The following TUBGCP3 variants were observed in gnomAD, a reference collection of about 807,000 sequenced individuals.
TUBGCP3 encodes gamma-tubulin complex component 3.
A neutral mutation model predicts 123.1 loss-of-function variants in TUBGCP3; 50 were observed. The ratio of observed to expected loss-of-function variants is 0.41; its 90% CI spans 0.32 to 0.51. The LOEUF is 0.51. Among genes scored for constraint, TUBGCP3 ranks in the 20% least tolerant of loss-of-function variants. The pLI, the probability that TUBGCP3 is intolerant of heterozygous loss-of-function variation, is 0.36. For missense variants in TUBGCP3, 882 were observed against 1,127.0 expected (o/e 0.78, Z 3.11); for synonymous variants, 405 against 413.9 (o/e 0.98, Z 0.26).
intron 20 of TUBGCP3, among the ~76,000 whole-genome samples, chr13:112,494,279 G>A (rs1417306182): frequency 1.3e-5 from 2 of 152,180 alleles, no homozygotes; most frequent in African/African-American, 2.4e-5. Context: ...TCCTGAGTTC[G>A]GCACTGGTTC....
In TUBGCP3 at chr13:112,511,207, G is replaced by A. The variant is rs1014610811; in HGVS notation, c.2086+5233C>T. On this transcript the variant is annotated intron_variant, in intron 17 of 21. Coordinates refer to ENST00000261965, the MANE Select transcript of TUBGCP3 (RefSeq NM_006322.6). This position sits in a 1 kb window ranked among gnomAD's most constrained non-coding sequence, Gnocchi z 4.1. ...ACACCCTGACCACAGTCCTGTGCGG[G>A]AAACACCCTCTGAACCCACCGCTCA... 2.0e-5 allele frequency among the ~76,000 whole-genome samples: 3 copies of A among 152,182 alleles called. No homozygotes were observed. The highest frequency in any genetic ancestry group is 4.4e-5 in the Non-Finnish European group (3 of 68,034).
intron 19 of TUBGCP3, among the ~76,000 whole-genome samples, chr13:112,502,595 G>C (rs1341523719): frequency 6.8e-6 from 1 of 146,668 alleles, no homozygotes; most frequent in African/African-American, 2.6e-5. Flanking sequence ...GCCCAGGCTG[G>C]AGTGCAATGG....
the TUBGCP3 span, among the ~76,000 whole-genome samples, chr13:112,602,108 C>T: frequency 1.3e-5 from 2 of 152,112 alleles, no homozygotes; most frequent in Non-Finnish European, 2.9e-5. Flanking sequence ...TCGGGGGAGA[C>T]CAGTGTTTGA....
chr13:112,586,164 G>A (rs568289230), intron 1 of TUBGCP3, among the ~76,000 whole-genome samples: 4 of 151,226 alleles, frequency 2.6e-5, no homozygotes, highest in South Asian at 2.1e-4. Flanking sequence ...GCATGAACCC[G>A]GAAGGTAGAG....
chr13:112,501,525 CA>C (rs1407530282), intron 19 of TUBGCP3, among the ~76,000 whole-genome samples: 2 of 152,178 alleles, frequency 1.3e-5, no homozygotes, highest in Non-Finnish European at 2.9e-5. Flanking sequence ...CAAAAAAACA[CA>C]AAAACATGCA....
chr13:112,547,689 G>A lies in TUBGCP3; in HGVS notation c.1099C>T (p.Leu367Phe). 1 of 1,580,452 alleles carries A rather than the reference G, an allele frequency of 6.3e-7. No homozygotes were observed. The highest frequency in any genetic ancestry group is 8.6e-7 in the Non-Finnish European group (1 of 1,160,984). ...TTGGGATCATAGGTCCAAACCAGGA[G>A]GCGCCGAAGTGTTAAACTACTCTCA... ...GLESSLTLRRLLVWTYDPKIR... is the reference protein window; with the variant it reads ...GLESSLTLRRFLVWTYDPKIR... Residue 367 changes from leucine to phenylalanine, a missense_variant, in exon 10 of 22, where the codon CTC (leucine) becomes TTC (phenylalanine). By Grantham distance (22) the Leu-to-Phe change is conservative (BLOSUM62 0). Transcript: ENST00000261965.
the TUBGCP3 span, among the ~76,000 whole-genome samples, chr13:112,600,660 A>G: frequency 6.6e-6 from 1 of 152,166 alleles, no homozygotes; most frequent in Admixed American, 6.5e-5. Flanking sequence ...ATTAATTTTC[A>G]AAGGTTGACA....
At chr13:112,500,756 C>T (rs1880847831) in intron 19 of TUBGCP3, among the ~76,000 whole-genome samples, 1 of 152,242 alleles carries the variant, frequency 6.6e-6, no homozygotes, top group African/African-American at 2.4e-5. Context: ...TTTAACACAA[C>T]TTTACAGTTA....
In TUBGCP3 at chr13:112,486,433, CTT is replaced by C. The variant is rs558760991; in HGVS notation, c.2566-284_2566-283del. ...AACAACTAACCAACAGGTTTTTTCA[CTT>C]TGTTCTTAAGTTCCACAAGAATAAG... On this transcript the variant is annotated intron_variant, in intron 21 of 21. Transcript: ENST00000261965. 2.6e-3 allele frequency among the ~76,000 whole-genome samples: 390 copies of C among 152,346 alleles called. 1 individual carries two copies. The highest frequency in any genetic ancestry group is 4.4e-3 in the Non-Finnish European group (297 of 68,022).
chr13:112,535,278 G>A (rs773299267), intron 11 of TUBGCP3, among the ~76,000 whole-genome samples: 1 of 152,192 alleles, frequency 6.6e-6, no homozygotes, highest in Non-Finnish European at 1.5e-5. Context: ...AGACGAATGC[G>A]TGTTTTCATT....
At chr13:112,498,850 T>C (rs970582362) in intron 20 of TUBGCP3, 195 bp downstream of exon 20, 13 of 1,601,082 alleles carry the variant, frequency 8.1e-6, no homozygotes, top group Non-Finnish European at 1.1e-5. Context: ...TGAAACAGGA[T>C]GATGATGCCA....
chr13:112,489,571 T>G lies in TUBGCP3; in HGVS notation c.2565+10A>C. 1 of 1,592,884 alleles carries G rather than the reference T, an allele frequency of 6.3e-7. No individual in the cohort carries two copies. The highest frequency in any genetic ancestry group is 8.6e-7 in the Non-Finnish European group (1 of 1,160,588). On this transcript the variant is annotated intron_variant, in intron 21 of 21. Coordinates refer to ENST00000261965, the MANE Select transcript of TUBGCP3 (RefSeq NM_006322.6). Reference sequence around the variant, plus strand: ...TGGTGTGAAGAGCCACTCTGTATCCTCATACACACCTGGTAGAAATGGGTC... The same window carrying G: ...TGGTGTGAAGAGCCACTCTGTATCCGCATACACACCTGGTAGAAATGGGTC...
Position 112,527,144 on chromosome 13 carries a change from T to C in TUBGCP3, c.1447-94A>G, listed in dbSNP as rs1877202655. 20 of 1,128,502 alleles carry C rather than the reference T, an allele frequency of 1.8e-5. No individual in the cohort carries two copies. In the South Asian group the frequency reaches 1.9e-4, roughly 10 times the overall value. 69.9% of individuals were successfully genotyped at this position (1,128,502 alleles called of 1,614,324 possible). On this transcript the variant is annotated intron_variant, in intron 12 of 21. Transcript: ENST00000261965. ...TCGTAAGCTACAAATTGGCTATTGA[T>C]TGAAAACTAACAAGAGCATCTGCTA... is the stretch of plus-strand genomic sequence containing the variant.
intron 17 of TUBGCP3, 121 bp from the exon 18 acceptor site, chr13:112,504,835 C>A (rs924010208): frequency 5.0e-6 from 4 of 795,832 alleles, no homozygotes; most frequent in Non-Finnish European, 8.3e-6. Context: ...AAATTCTTGA[C>A]CCCTTAACAG....
rs190503406 is a variant in TUBGCP3, at chr13:112,557,992, A to T, written c.548+204T>A. Among the ~76,000 whole-genome samples, 20 of 152,344 alleles carry T rather than the reference A, an allele frequency of 1.3e-4. No homozygotes were observed. In the East Asian group the frequency reaches 1.4e-3, roughly 10 times the overall value. ...GCTGGCCAGAGCTTGTGGATTACAA[A>T]GTGGAAGGAACTCCTGCTGTAGCAT... On this transcript the variant is annotated intron_variant, in intron 5 of 21. Transcript: ENST00000261965.
At chr13:112,573,664 C>A (rs1881589608) in intron 1 of TUBGCP3, among the ~76,000 whole-genome samples, 1 of 152,222 alleles carries the variant, frequency 6.6e-6, no homozygotes, top group Non-Finnish European at 1.5e-5. Context: ...AGGAAGAAAT[C>A]TTTCAGAAAG....
the TUBGCP3 span, among the ~76,000 whole-genome samples, chr13:112,600,774 C>T: frequency 3.3e-5 from 5 of 152,284 alleles, no homozygotes; most frequent in East Asian, 9.6e-4. Flanking sequence ...TCTCCAGAAT[C>T]ATTTTCGCCT....
chr13:112,520,556 T>G (rs79676752), intron 14 of TUBGCP3, among the ~76,000 whole-genome samples: 4,470 of 152,180 alleles, frequency 0.029, 184 homozygotes, highest in Non-Finnish European at 0.033. Flanking sequence ...AAGAACTGAT[T>G]TTGATTCAGC....
At chr13:112,537,205 A>C (rs1878137946) in intron 11 of TUBGCP3, among the ~76,000 whole-genome samples, 2 of 150,184 alleles carry the variant, frequency 1.3e-5, no homozygotes, top group African/African-American at 4.9e-5. Context: ...AACAATGCTA[A>C]AAGGAAGTGG....
Sources: gnomAD v4.1 joint callset for allele counts (sites outside exome capture counted in the v4.1 genomes callset) on GRCh38, gnomAD v4.1.1 for gene constraint, Gnocchi (gnomAD v3.1) non-coding constraint, MANE v1.5 for transcripts, NCBI Gene and HGNC (gene_info 2026-07-23, HGNC 2026-07-21) for gene names.